KCNJ6: variants seen among roughly 807,000 people sequenced by gnomAD.
KCNJ6 encodes the protein G protein-activated inward rectifier potassium channel 2.
Under a neutral mutation model 34.2 loss-of-function variants are expected in KCNJ6, and 9 were observed. The ratio of observed to expected loss-of-function variants is 0.26; its 90% CI spans 0.16 to 0.46. The LOEUF (loss-of-function observed/expected upper bound fraction) is 0.46, where lower values mean the gene tolerates loss of function less well. Among genes scored for constraint, KCNJ6 ranks in the 20% least tolerant of loss-of-function variants. The pLI is 1.00. For synonymous variants in KCNJ6, 196 were observed against 207.1 expected, an observed-to-expected ratio of 0.95 and a Z score of 0.46; for missense variants, 236 against 531.3, an observed-to-expected ratio of 0.44 and a Z score of 5.46.
intron 2 of KCNJ6, among the ~76,000 whole-genome samples, chr21:37,732,070 T>G (rs1362239055): frequency 6.6e-6 from 1 of 152,158 alleles, no homozygotes; most frequent in Admixed American, 6.5e-5. Context: ...AAAACAAGCA[T>G]GACACCTAGT....
At chr21:37,771,128 A>C (rs1437076153) in intron 2 of KCNJ6, among the ~76,000 whole-genome samples, 1 of 152,200 alleles carries the variant, frequency 6.6e-6, no homozygotes, top group Non-Finnish European at 1.5e-5. Context: ...GTGGTTGCTC[A>C]GTTGATAGGC....
intron 2 of KCNJ6, among the ~76,000 whole-genome samples, chr21:37,727,474 T>TGC (rs1556026076): frequency 1.3e-5 from 2 of 150,512 alleles, no homozygotes; most frequent in Admixed American, 1.3e-4. Flanking sequence ...TGTGTGTGTG[T>TGC]GCATGGATGT....
chr21:37,664,450 C>T (rs541733442), intron 3 of KCNJ6, among the ~76,000 whole-genome samples: 24 of 151,718 alleles, frequency 1.6e-4, no homozygotes, highest in African/African-American at 5.8e-4. Context: ...GAGATTAATA[C>T]AGTAAAAAAA....
intron 2 of KCNJ6, among the ~76,000 whole-genome samples, chr21:37,791,441 G>C (rs1440113935): frequency 6.6e-6 from 1 of 152,200 alleles, no homozygotes; most frequent in African/African-American, 2.4e-5. Flanking sequence ...GGTTTGCCGG[G>C]GCTCTGGGAG....
At chr21:37,806,956 G>A (rs751530355) in intron 2 of KCNJ6, among the ~76,000 whole-genome samples, 3 of 152,000 alleles carry the variant, frequency 2.0e-5, no homozygotes, top group Non-Finnish European at 4.4e-5. Context: ...TTATTATTTT[G>A]GGAGTAGTAA....
In KCNJ6 at chr21:37,617,899, G is replaced by A. The variant is rs183621770; in HGVS notation, c.*7260C>T. The A allele has an allele frequency of 4.6e-5, 7 of 152,348 alleles. No individual in the cohort carries two copies. The East Asian group carries it at 1.4e-3, about 29-fold the overall frequency. The allele number at this position is 152,348 out of a possible 1,614,324, so 9.4% of individuals were successfully genotyped here. A position where few individuals can be genotyped will look rare whatever the true frequency, so the allele number is the denominator to read the frequency against. ...TCCTGACCCAGGGAGGTGCTCTGTGGGGTCAAGGGTGTGGGGCAAGTTAAG... is the reference window on the plus strand; with the variant it reads ...TCCTGACCCAGGGAGGTGCTCTGTGAGGTCAAGGGTGTGGGGCAAGTTAAG... On this transcript the variant is annotated 3_prime_UTR_variant, in exon 4 of 4. Transcript: ENST00000609713.
chr21:37,692,466 T>C (rs1271977389), intron 3 of KCNJ6, among the ~76,000 whole-genome samples: 1 of 152,198 alleles, frequency 6.6e-6, no homozygotes, highest in Non-Finnish European at 1.5e-5. Context: ...ACTGATCTGC[T>C]GTAAGGATGT....
chr21:37,679,536 A>G (rs2054581518), intron 3 of KCNJ6, among the ~76,000 whole-genome samples: 1 of 152,252 alleles, frequency 6.6e-6, no homozygotes, highest in African/African-American at 2.4e-5. Context: ...GTTAGTTATA[A>G]CTACTGTTAT....
intron 2 of KCNJ6, among the ~76,000 whole-genome samples, chr21:37,745,259 T>C (rs936909606): frequency 6.6e-5 from 10 of 152,010 alleles, no homozygotes; most frequent in African/African-American, 2.4e-4. Flanking sequence ...CATAGTCAGC[T>C]AGTTTTGTTA....
At chr21:37,904,645 T>C (rs2055832680) in intron 1 of KCNJ6, among the ~76,000 whole-genome samples, 1 of 152,218 alleles carries the variant, frequency 6.6e-6, no homozygotes, top group Non-Finnish European at 1.5e-5. Context: ...TCATGCTGTT[T>C]GGGAGCCAGG....
intron 2 of KCNJ6, among the ~76,000 whole-genome samples, chr21:37,783,531 T>G (rs1393189638): frequency 2.6e-5 from 4 of 152,200 alleles, no homozygotes; most frequent in African/African-American, 9.6e-5. Flanking sequence ...CATGGAACTG[T>G]AACTCCAATT....
At chr21:37,820,496 G>A (rs2055368579) in intron 2 of KCNJ6, among the ~76,000 whole-genome samples, 1 of 152,146 alleles carries the variant, frequency 6.6e-6, no homozygotes, top group Admixed American at 6.5e-5. Flanking sequence ...CTGCCATTTT[G>A]CACTGCATTT....
intron 1 of KCNJ6, among the ~76,000 whole-genome samples, chr21:37,851,656 C>G (rs945331398): frequency 6.6e-6 from 1 of 152,130 alleles, no homozygotes; most frequent in African/African-American, 2.4e-5. Context: ...CCGTCCTAAT[C>G]TCTGTTGTTC....
Position 37,715,114 on chromosome 21 carries a change from C to A in KCNJ6, c.43G>T (p.Asp15Tyr). 1 of 1,612,990 alleles carries A rather than the reference C, an allele frequency of 6.2e-7. No individual in the cohort carries two copies. The highest frequency in any genetic ancestry group is 1.1e-5 in the South Asian group (1 of 90,828). The change falls in exon 3 of 4, where the codon GAC (aspartate) becomes TAC (tyrosine). Residue 15 changes from aspartate (D) to tyrosine (Y), a missense_variant. By Grantham distance (160) the Asp-to-Tyr change is radical. Around this residue, in one of 5 missense-constraint regions of KCNJ6, gnomAD observed 64 missense variants for 68.9 expected, o/e 0.93. Transcript: ENST00000609713. ...TESMTNVLEG[D>Y]SMDQDVESPV... is the part of the protein sequence containing the mutation. ...CTTTCGACGTCCTGATCCATGGAGT[C>A]GCCCTCCAGGACGTTAGCTGGTGGT...
At chr21:37,829,939 C>A (rs1406298656) in intron 2 of KCNJ6, among the ~76,000 whole-genome samples, 2 of 152,328 alleles carry the variant, frequency 1.3e-5, no homozygotes, top group East Asian at 3.9e-4. Flanking sequence ...GCCCTAAAAC[C>A]TGCTGTTGTG....
chr21:37,820,018 G>C (rs201271100), intron 2 of KCNJ6, among the ~76,000 whole-genome samples: 1 of 151,782 alleles, frequency 6.6e-6, no homozygotes, highest in African/African-American at 2.4e-5. Flanking sequence ...GAACTCCTGA[G>C]CTCAGGTGAT....
At position 37,885,655 on chromosome 21, in the gene KCNJ6, C is replaced by A. The variant is rs144715258; in HGVS notation, c.-28+30229G>T. 2.5e-4 allele frequency among the ~76,000 whole-genome samples: 38 copies of A among 152,324 alleles called. No individual in the cohort carries two copies. The East Asian group carries it at 7.0e-3, about 28-fold the overall frequency. On this transcript the variant is annotated intron_variant, in intron 1 of 3. Coordinates refer to ENST00000609713, the MANE Select transcript of KCNJ6 (RefSeq NM_002240.5). ...GGAGGGGAGCACAGTCTCCACCTGA[C>A]AGCCACAAGAATGGGAATCTCAGTC... is the stretch of plus-strand genomic sequence containing the variant.
intron 3 of KCNJ6, among the ~76,000 whole-genome samples, chr21:37,654,068 G>A (rs1427129493): frequency 6.8e-6 from 1 of 147,544 alleles, no homozygotes; most frequent in Admixed American, 6.8e-5. Flanking sequence ...AACCCTCACT[G>A]TCTCTCAGAA....
At chr21:37,665,460 C>T (rs547411929) in intron 3 of KCNJ6, among the ~76,000 whole-genome samples, 8 of 152,132 alleles carry the variant, frequency 5.3e-5, no homozygotes, top group South Asian at 2.1e-4. Context: ...TCATGGGAAT[C>T]GGAAGTAGCT....
Sources: allele counts gnomAD v4.1 joint callset (sites outside exome capture counted in the v4.1 genomes callset), GRCh38; gene constraint gnomAD v4.1.1; regional missense constraint gnomAD v4.1.1; transcripts MANE v1.5; gene names NCBI Gene and HGNC (gene_info 2026-07-23, HGNC 2026-07-21).